The following RNF13 variants were observed in gnomAD, a reference collection of about 807,000 sequenced individuals.
RNF13 encodes the protein ring finger protein 13, also known as E3 ubiquitin-protein ligase RNF13.
A neutral mutation model predicts 37.7 loss-of-function variants in RNF13; 19 were observed. The ratio of observed to expected loss-of-function variants is 0.50; its 90% CI spans 0.35 to 0.74. The LOEUF (loss-of-function observed/expected upper bound fraction) is 0.74. Ranked by LOEUF, RNF13 falls within the 30% of genes least tolerant of loss-of-function variation. The pLI is 0.01. For missense variants in RNF13, 375 were observed against 453.0 expected (o/e 0.83, Z 1.56); for synonymous variants, 144 against 157.8 (o/e 0.91, Z 0.65).
At chr3:149,835,633 T>TTGTGTGTGTCTGTGTGTGTGTG (rs1553751496) in intron 1 of RNF13, among the ~76,000 whole-genome samples, 1 of 138,746 alleles carries the variant, frequency 7.2e-6, no homozygotes, top group Admixed American at 7.2e-5. Flanking sequence ...TAGTATTCCA[T>TTGTGTGTGTCTGTGTGTGTGTG]TGTGTGTGTG....
At chr3:149,852,063 C>A (rs1723169824) in intron 2 of RNF13, among the ~76,000 whole-genome samples, 1 of 152,110 alleles carries the variant, frequency 6.6e-6, no homozygotes, top group Admixed American at 6.5e-5. Flanking sequence ...AATTGACATG[C>A]CTTAAAAATA....
rs35615226 is a variant in RNF13 at position 149,900,426 on chromosome 3, T to TA, written c.410-1635dup. ...CCTATAACAATACCTCTGCATCTAT[T>TA]AAAAAAAAAAATGCAATAATGCCTG... On this transcript the variant is annotated intron_variant, in intron 5 of 9. Coordinates refer to ENST00000392894, the MANE Select transcript of RNF13 (RefSeq NM_183381.3). Among the ~76,000 whole-genome samples the TA allele has an allele frequency of 6.0e-3, 875 of 146,798 alleles. 21 individuals carry two copies. The East Asian group carries it at 0.081, about 14-fold the overall frequency.
rs765630495 is a variant in RNF13, at chr3:149,845,997, T to A, written c.-16-14T>A. The A allele has an allele frequency of 6.9e-7, 1 of 1,445,686 alleles. No individual in the cohort carries two copies. The highest frequency in any genetic ancestry group is 9.7e-7 in the Non-Finnish European group (1 of 1,031,174). The allele number at this position is 1,445,686 out of a possible 1,614,324, so 89.6% of individuals were successfully genotyped here. A position where few individuals can be genotyped will look rare whatever the true frequency, so the allele number is the denominator to read the frequency against. ...AAGCACCAGCTCTCAGTTACTCACATCCTTGTCTTCCAGGTGATTTTACAA... is the reference window on the plus strand; with the variant it reads ...AAGCACCAGCTCTCAGTTACTCACAACCTTGTCTTCCAGGTGATTTTACAA... On this transcript the variant is annotated splice_polypyrimidine_tract_variant and intron_variant, in intron 1 of 9. Transcript: ENST00000392894.
intron 1 of RNF13, among the ~76,000 whole-genome samples, chr3:149,826,683 AAAG>A (rs1355148606): frequency 6.6e-6 from 1 of 152,222 alleles, no homozygotes; most frequent in Non-Finnish European, 1.5e-5. Context: ...AGATAAATAT[AAAG>A]AAGAATAAAA....
intron 6 of RNF13, among the ~76,000 whole-genome samples, chr3:149,911,372 T>C (rs1276986135): frequency 6.6e-6 from 1 of 152,092 alleles, no homozygotes; most frequent in Non-Finnish European, 1.5e-5. Context: ...AAACAACATC[T>C]CTAGACCTGC....
rs185860922 is a variant in RNF13, at chr3:149,903,744, C to T, written c.500+1582C>T. Among the ~76,000 whole-genome samples, 140 of 152,226 alleles carry T rather than the reference C, an allele frequency of 9.2e-4. 1 individual carries two copies. Among genetic ancestry groups the T allele is most frequent in the Non-Finnish European group, 3.8e-4 (26 of 67,976 alleles). Reference sequence around the variant, plus strand: ...ATTCCAAATAGAATTTGAGGCAACACCCCATAATCAAACAAATTAATGTAT... The same window carrying T: ...ATTCCAAATAGAATTTGAGGCAACATCCCATAATCAAACAAATTAATGTAT... On this transcript the variant is annotated intron_variant, in intron 6 of 9. Coordinates refer to ENST00000392894, the MANE Select transcript of RNF13 (RefSeq NM_183381.3).
rs1722333870 is a variant in RNF13, at chr3:149,960,849, C to G, written c.891C>G (p.Asp297Glu). ...AAGGCGATTCAGACTCTGACACAGA[C>G]AGTAGTCAAGAAGAAAATGAAGTGA... Reference protein sequence around the residue: ...PSQGDSDSDTDSSQEENEVTE... With the variant: ...PSQGDSDSDTESSQEENEVTE... Residue 297 changes from aspartate to glutamate, a missense_variant, in exon 10 of 10, where the codon GAC (aspartate) becomes GAG (glutamate). By Grantham distance (45) the Asp-to-Glu change is conservative (BLOSUM62 2). Transcript: ENST00000392894. 6.2e-7 allele frequency: 1 copy of G among 1,614,050 alleles called. No homozygotes were observed. Among genetic ancestry groups the G allele is most frequent in the African/African-American group, 1.3e-5 (1 of 74,924 alleles).
At chr3:149,889,286 A>AGTGC (rs1414977086) in intron 4 of RNF13, among the ~76,000 whole-genome samples, 1 of 45,390 alleles carries the variant, frequency 2.2e-5, no homozygotes, top group East Asian at 6.3e-4. Context: ...TCTGAATTTG[A>AGTGC]GTGTGCGTGT....
intron 8 of RNF13, among the ~76,000 whole-genome samples, chr3:149,959,664 ATAGT>A (rs200265231): frequency 0.014 from 2,124 of 152,306 alleles, 46 homozygotes; most frequent in African/African-American, 0.049. Context: ...ATTTGCTAAT[ATAGT>A]TAAACATTTG....
intron 1 of RNF13, among the ~76,000 whole-genome samples, chr3:149,834,990 C>G (rs1306802424): frequency 6.6e-6 from 1 of 152,096 alleles, no homozygotes; most frequent in Non-Finnish European, 1.5e-5. Context: ...TGAATTTGAC[C>G]TTTACCTTAT....
rs3028509 is a variant in RNF13, at chr3:149,865,329, G to GATATATATATATAT, written c.196-6691_196-6678dup. Among the ~76,000 whole-genome samples the GATATATATATATAT allele has an allele frequency of 3.0e-3, 419 of 139,082 alleles. 3 individuals are homozygous for GATATATATATATAT. Among genetic ancestry groups the GATATATATATATAT allele is most frequent in the African/African-American group, 7.2e-3 (275 of 38,156 alleles). The allele number at this position is 139,082 out of a possible 152,430, so 91.2% of individuals were successfully genotyped here. A position where few individuals can be genotyped will look rare whatever the true frequency, so the allele number is the denominator to read the frequency against. On this transcript the variant is annotated intron_variant, in intron 3 of 9. Coordinates refer to ENST00000392894, the MANE Select transcript of RNF13 (RefSeq NM_183381.3). ...GAAACTTCTTTCTAGATGTTTTGGTGATATATATATATATATATATATGTA... is the reference window on the plus strand; with the variant it reads ...GAAACTTCTTTCTAGATGTTTTGGTGATATATATATATATATATATATATATATATATATATGTA...
intron 4 of RNF13, 147 bp from the exon 5 acceptor site, chr3:149,895,326 A>G: frequency 1.9e-6 from 1 of 538,482 alleles, no homozygotes; most frequent in Admixed American, 3.6e-5. Context: ...CTTTAGAGCA[A>G]AACAGATTAA....
intron 5 of RNF13, among the ~76,000 whole-genome samples, chr3:149,900,426 TAA>T (rs35615226): frequency 6.8e-6 from 1 of 146,740 alleles, no homozygotes; most frequent in Non-Finnish European, 1.5e-5. Flanking sequence ...CTGCATCTAT[TAA>T]AAAAAAAAAT....
At chr3:149,845,591 A>G (rs963489176) in intron 1 of RNF13, among the ~76,000 whole-genome samples, 3 of 152,214 alleles carry the variant, frequency 2.0e-5, no homozygotes, top group Non-Finnish European at 4.4e-5. Context: ...TTTACATGTG[A>G]ATTTATATTG....
chr3:149,837,538 C>T (rs1721747196), intron 1 of RNF13, among the ~76,000 whole-genome samples: 1 of 152,108 alleles, frequency 6.6e-6, no homozygotes, highest in African/African-American at 2.4e-5. Flanking sequence ...ACAATCATGG[C>T]AGAGGGTGAA....
intron 3 of RNF13, among the ~76,000 whole-genome samples, chr3:149,868,280 T>G (rs2108433876): frequency 6.6e-6 from 1 of 151,964 alleles, no homozygotes; most frequent in Non-Finnish European, 1.5e-5. Context: ...GTCTATGTAC[T>G]TAATTGTACC....
intron 6 of RNF13, among the ~76,000 whole-genome samples, chr3:149,905,200 C>T (rs1216667423): frequency 6.6e-6 from 1 of 152,114 alleles, no homozygotes; most frequent in Non-Finnish European, 1.5e-5. Flanking sequence ...AAGGGTCATG[C>T]CAACAGTTTA....
intron 8 of RNF13, among the ~76,000 whole-genome samples, chr3:149,956,426 T>C (rs1721873083): frequency 6.6e-6 from 1 of 152,196 alleles, no homozygotes; most frequent in South Asian, 2.1e-4. Flanking sequence ...GGCCTGATAT[T>C]TAGTTCATGC....
intron 1 of RNF13, among the ~76,000 whole-genome samples, chr3:149,820,489 T>G (rs1576708867): frequency 6.6e-6 from 1 of 152,228 alleles, no homozygotes; most frequent in Non-Finnish European, 1.5e-5. Flanking sequence ...AACATCTACT[T>G]TATTTAGATG....
Sources: allele counts gnomAD v4.1 joint callset (sites outside exome capture counted in the v4.1 genomes callset), GRCh38; gene constraint gnomAD v4.1.1; transcripts MANE v1.5; gene names NCBI Gene and HGNC (gene_info 2026-07-23, HGNC 2026-07-21).